The following TRIM37 variants were observed in gnomAD, a reference collection of about 807,000 sequenced individuals.
The protein encoded by TRIM37 is tripartite motif containing 37, also known as E3 ubiquitin-protein ligase TRIM37.
TRIM37 carries 80 observed loss-of-function variants against 129.8 expected under a neutral mutation model. That is an observed-to-expected ratio of 0.62 (90% CI 0.51 to 0.74). The LOEUF (loss-of-function observed/expected upper bound fraction) is 0.74, where lower values mean the gene tolerates loss of function less well. Among genes scored for constraint, TRIM37 ranks in the 30% least tolerant of loss-of-function variants. The pLI, the probability that TRIM37 is intolerant of heterozygous loss-of-function variation, is 0.00. For missense variants in TRIM37, 1,054 were observed against 1,176.5 expected, an observed-to-expected ratio of 0.90 and a Z score of 1.52; for synonymous variants, 389 against 387.1, an observed-to-expected ratio of 1.00 and a Z score of -0.06.
At chr17:58,999,755 A>C (rs1046692855) in intron 23 of TRIM37, among the ~76,000 whole-genome samples, 1 of 152,226 alleles carries the variant, frequency 6.6e-6, no homozygotes, top group African/African-American at 2.4e-5. Context: ...ACAGCTTAAA[A>C]AGGGAACAAG....
At chr17:59,076,460 C>T (rs2042822940) in intron 7 of TRIM37, among the ~76,000 whole-genome samples, 1 of 152,222 alleles carries the variant, frequency 6.6e-6, no homozygotes, top group South Asian at 2.1e-4. Context: ...AGGATCACTT[C>T]AGCCCAAGCG....
intron 2 of TRIM37, among the ~76,000 whole-genome samples, chr17:59,102,997 C>T (rs1312765611): frequency 4.6e-5 from 7 of 151,650 alleles, no homozygotes; most frequent in South Asian, 2.1e-4. Context: ...CTCAGCCTCT[C>T]GAGTAGCTGG....
At chr17:59,049,079 T>A (rs1035936874) in intron 15 of TRIM37, 99 bp downstream of exon 15, 111 of 942,606 alleles carry the variant, frequency 1.2e-4, no homozygotes, top group Middle Eastern at 3.0e-4. Context: ...ATGGACAATA[T>A]TTTTAGCCTA....
chr17:59,073,569 C>T (rs922935087), intron 8 of TRIM37, among the ~76,000 whole-genome samples: 1 of 152,212 alleles, frequency 6.6e-6, no homozygotes, highest in Non-Finnish European at 1.5e-5. Flanking sequence ...AGATCACAGG[C>T]ATGAGCCACC....
downstream of TRIM37, among the ~76,000 whole-genome samples, chr17:58,995,859 T>A (rs144045889): frequency 2.8e-4 from 43 of 152,010 alleles, no homozygotes; most frequent in African/African-American, 1.0e-3. Flanking sequence ...ATACAAAAAT[T>A]ATCCCAGTGT....
At chr17:58,969,798 G>T in the TRIM37 span, 1 of 1,407,988 alleles carries the variant, frequency 7.1e-7, no homozygotes, top group Admixed American at 2.0e-5. Flanking sequence ...TGTGGTTAAA[G>T]GGCTATTTAG....
intron 16 of TRIM37, among the ~76,000 whole-genome samples, chr17:59,042,226 A>T (rs1407230983): frequency 6.6e-6 from 1 of 151,034 alleles, no homozygotes; most frequent in Non-Finnish European, 1.5e-5. Context: ...AATACAAAAA[A>T]TTAGCTGGGT....
intron 19 of TRIM37, among the ~76,000 whole-genome samples, chr17:59,020,536 A>AAAACT (rs1225998690): frequency 1.3e-5 from 2 of 152,142 alleles, no homozygotes; most frequent in African/African-American, 4.8e-5. Flanking sequence ...TTTTTCTTGG[A>AAAACT]AAACTATAGT....
At chr17:58,967,330 TGAAAGGG>T in the TRIM37 span, among the ~76,000 whole-genome samples, 1 of 152,106 alleles carries the variant, frequency 6.6e-6, no homozygotes, top group East Asian at 1.9e-4. Context: ...ATCTAAATCA[TGAAAGGG>T]AATGATAACT....
chr17:58,968,087 C>T, the TRIM37 span, among the ~76,000 whole-genome samples: 1 of 152,122 alleles, frequency 6.6e-6, no homozygotes, highest in African/African-American at 2.4e-5. Context: ...CAGGTGTGAG[C>T]CACCGCACCC....
At chr17:59,047,845 C>T (rs768652781) in intron 15 of TRIM37, 26 bp from the exon 16 acceptor site, 14 of 1,612,910 alleles carry the variant, frequency 8.7e-6, no homozygotes, top group South Asian at 4.4e-5. Context: ...GAAAACAAGA[C>T]GTCTATTCCA....
At chr17:59,098,916 G>A (rs573184329) in intron 2 of TRIM37, among the ~76,000 whole-genome samples, 7 of 152,262 alleles carry the variant, frequency 4.6e-5, no homozygotes, top group Non-Finnish European at 7.4e-5. Flanking sequence ...AGGCGCGGTG[G>A]CTCAACGCCT....
intron 7 of TRIM37, 122 bp downstream of exon 7, chr17:59,079,632 C>G (rs938431807): frequency 4.8e-6 from 6 of 1,237,722 alleles, no homozygotes; most frequent in Admixed American, 3.5e-5. Flanking sequence ...TAAATTGTAA[C>G]AACATGGAGT....
At chr17:59,081,278 C>T in intron 5 of TRIM37, 59 bp from the exon 6 acceptor site, 1 of 1,587,962 alleles carries the variant, frequency 6.3e-7, no homozygotes, top group Non-Finnish European at 8.6e-7. Flanking sequence ...ATTTACATTC[C>T]TTTGTAACAC....
chr17:59,088,680 C>T (rs1010753210), intron 3 of TRIM37, among the ~76,000 whole-genome samples: 5 of 151,854 alleles, frequency 3.3e-5, no homozygotes. Flanking sequence ...TCAAACCCAG[C>T]TAATTTTAAA....
At chr17:59,067,630 C>T (rs1330675550) in intron 9 of TRIM37, among the ~76,000 whole-genome samples, 1 of 152,090 alleles carries the variant, frequency 6.6e-6, no homozygotes, top group African/African-American at 2.4e-5. Flanking sequence ...ACTATTGTAT[C>T]TTTTATTTTT....
the TRIM37 span, chr17:58,969,443 G>C: frequency 8.7e-7 from 1 of 1,152,492 alleles, no homozygotes; most frequent in Non-Finnish European, 1.3e-6. Flanking sequence ...AAATGCAGTG[G>C]AGGAGAAAGG....
chr17:59,021,344 G>A (rs1045513050), intron 19 of TRIM37, among the ~76,000 whole-genome samples: 6 of 151,940 alleles, frequency 3.9e-5, no homozygotes, highest in East Asian at 1.9e-4. Context: ...GCAGTGAGCC[G>A]AGATTGCACC....
At chr17:59,008,275 C>T (rs2034800423) in intron 22 of TRIM37, among the ~76,000 whole-genome samples, 1 of 152,212 alleles carries the variant, frequency 6.6e-6, no homozygotes. Context: ...TTTGCACATT[C>T]ACAGCAATTT....
Sources: allele counts gnomAD v4.1 joint callset (sites outside exome capture counted in the v4.1 genomes callset), GRCh38; gene constraint gnomAD v4.1.1; transcripts MANE v1.5; gene names NCBI Gene and HGNC (gene_info 2026-07-23, HGNC 2026-07-21).